The following PHKA1 variants were observed in gnomAD, a reference collection of about 807,000 sequenced individuals.
PHKA1 encodes phosphorylase kinase regulatory subunit alpha 1.
A neutral mutation model predicts 110.2 loss-of-function variants in PHKA1; 60 were observed. That is an observed-to-expected ratio of 0.54 (90% CI 0.44 to 0.68). PHKA1 has a LOEUF of 0.68. PHKA1 is among the 30% of genes least tolerant of loss of function. The pLI, the probability that PHKA1 is intolerant of heterozygous loss-of-function variation, is 0.00. For synonymous variants in PHKA1, 316 were observed against 333.6 expected, an observed-to-expected ratio of 0.95 and a Z score of 0.58; for missense variants, 801 against 942.5, an observed-to-expected ratio of 0.85 and a Z score of 1.97.
intron 4 of PHKA1, 112 bp downstream of exon 4, chrX:72,695,596 C>G: frequency 1.4e-6 from 1 of 694,780 alleles, no homozygotes; most frequent in Non-Finnish European, 2.2e-6. Flanking sequence ...TAAAAAATAC[C>G]TGTTTCATGA....
intron 15 of PHKA1, among the ~76,000 whole-genome samples, chrX:72,635,545 A>AC (rs2053220498): frequency 1.8e-5 from 2 of 111,261 alleles, no homozygotes; most frequent in South Asian, 3.8e-4. Flanking sequence ...TAATCCTGTA[A>AC]CCCCCCAGTG....
At chrX:72,659,837 G>A (rs1423503875) in intron 8 of PHKA1, among the ~76,000 whole-genome samples, 1 of 112,259 alleles carries the variant, frequency 8.9e-6, no homozygotes, top group Non-Finnish European at 1.9e-5. Flanking sequence ...AGCATCTGTT[G>A]CAATTACTCA....
intron 5 of PHKA1, among the ~76,000 whole-genome samples, chrX:72,682,324 TC>T: frequency 2.0e-5 from 2 of 100,116 alleles, no homozygotes; most frequent in East Asian, 3.4e-4. Flanking sequence ...AGCCGCCCCG[TC>T]CGGGAGGGAG....
At chrX:72,661,533 T>A (rs781820313) in intron 8 of PHKA1, among the ~76,000 whole-genome samples, 7 of 110,581 alleles carry the variant, frequency 6.3e-5, no homozygotes, top group South Asian at 3.9e-4. Flanking sequence ...TTGGCCATAA[T>A]CCTAGATGCA....
chrX:72,604,935 C>T (rs189686847), intron 25 of PHKA1, among the ~76,000 whole-genome samples: 3 of 111,850 alleles, frequency 2.7e-5, no homozygotes, highest in Non-Finnish European at 3.8e-5. Flanking sequence ...TGTACAGACG[C>T]TCCACTGCCT....
intron 23 of PHKA1, among the ~76,000 whole-genome samples, chrX:72,608,567 C>T (rs143344110): frequency 2.3e-4 from 26 of 111,150 alleles, no homozygotes; most frequent in African/African-American, 5.9e-4. Flanking sequence ...ACTTTAAGCC[C>T]GCGGTGGTGA....
chrX:72,646,826 G>A (rs922818586), intron 13 of PHKA1, among the ~76,000 whole-genome samples: 2 of 111,094 alleles, frequency 1.8e-5, no homozygotes, highest in African/African-American at 6.6e-5. Context: ...AAGACAGAGA[G>A]ACCAGCTAAA....
At chrX:72,644,883 A>G (rs1166252424) in intron 13 of PHKA1, among the ~76,000 whole-genome samples, 1 of 111,759 alleles carries the variant, frequency 8.9e-6, no homozygotes. Context: ...AGAGCCAGGT[A>G]TGTGGGGGTA....
intron 3 of PHKA1, among the ~76,000 whole-genome samples, chrX:72,699,274 G>A (rs951494469): frequency 2.2e-4 from 24 of 109,520 alleles, no homozygotes; most frequent in Admixed American, 1.9e-3. Flanking sequence ...CTGGGAGGCC[G>A]AGGCAGGTGG....
rs971555820 is a variant in PHKA1, at chrX:72,713,829, C to T, written c.52G>A (p.Val18Met). The T allele has an allele frequency of 1.5e-5, 18 of 1,206,863 alleles. No homozygotes were observed. In the Middle Eastern group the frequency reaches 1.4e-3, roughly 92 times the overall value. ...TGATGGCACAGGATGGTCTGTTGCA[C>T]CAGTCGAGCGTAGCCGTCCAGCCGG... ...GVRLDGYARL[V>M]QQTILCHQNP... Residue 18 changes from valine to methionine, a missense_variant, in exon 1 of 32, where the codon GTG (valine) becomes ATG (methionine). Around this residue, in one of 2 missense-constraint regions of PHKA1, gnomAD observed 299 missense variants for 423.3 expected, o/e 0.71. Coordinates refer to ENST00000373542, the MANE Select transcript of PHKA1 (RefSeq NM_002637.4).
chrX:72,643,317 C>T (rs1479770070), intron 14 of PHKA1, among the ~76,000 whole-genome samples: 1 of 111,428 alleles, frequency 9.0e-6, no homozygotes, highest in Non-Finnish European at 1.9e-5. Context: ...AAGTGGCAAT[C>T]CACTACCTAA....
chrX:72,691,885 T>C (rs1556322281), intron 4 of PHKA1, among the ~76,000 whole-genome samples: 1 of 112,106 alleles, frequency 8.9e-6, no homozygotes, highest in African/African-American at 3.2e-5. Flanking sequence ...CTTGCTAAAC[T>C]GCCAGTACAA....
At chrX:72,599,495 C>T (rs1383357054) in intron 28 of PHKA1, among the ~76,000 whole-genome samples, 1 of 111,581 alleles carries the variant, frequency 9.0e-6, no homozygotes, top group Non-Finnish European at 1.9e-5. Context: ...TCAGAATCAT[C>T]TAAATAAAAC....
At chrX:72,675,169 C>T (rs1407327515) in intron 6 of PHKA1, among the ~76,000 whole-genome samples, 4 of 107,949 alleles carry the variant, frequency 3.7e-5, no homozygotes, top group African/African-American at 1.0e-4. Context: ...GCCTGGGCAG[C>T]AGGGTGAGAC....
chrX:72,703,136 T>TG (rs1254667665), intron 3 of PHKA1, among the ~76,000 whole-genome samples: 1 of 111,799 alleles, frequency 8.9e-6, no homozygotes, highest in African/African-American at 3.3e-5. Flanking sequence ...GGCTGTGTCA[T>TG]GGGTGGGTCC....
intron 4 of PHKA1, among the ~76,000 whole-genome samples, chrX:72,687,233 A>T (rs1427775602): frequency 1.8e-5 from 2 of 111,711 alleles, no homozygotes; most frequent in African/African-American, 6.5e-5. Context: ...TATATATATA[A>T]AATGGCATAT....
chrX:72,656,431 A>G (rs782122429), intron 9 of PHKA1, among the ~76,000 whole-genome samples, 189 bp from the exon 10 acceptor site: 1 of 112,582 alleles, frequency 8.9e-6, no homozygotes, highest in South Asian at 3.7e-4. Flanking sequence ...GAATTGGGAT[A>G]GCAATGATAT....
At chrX:72,675,682 G>A (rs1437614757) in intron 6 of PHKA1, among the ~76,000 whole-genome samples, 1 of 110,370 alleles carries the variant, frequency 9.1e-6, no homozygotes, top group African/African-American at 3.3e-5. Context: ...GATGATTTGG[G>A]GGATGGAGGA....
intron 29 of PHKA1, among the ~76,000 whole-genome samples, chrX:72,587,879 G>C (rs2052457842): frequency 1.8e-5 from 2 of 111,972 alleles, no homozygotes; most frequent in Admixed American, 9.4e-5. Flanking sequence ...AACAAGAAGA[G>C]CTAACTATCC....
Sources: allele counts gnomAD v4.1 joint callset (sites outside exome capture counted in the v4.1 genomes callset), GRCh38; gene constraint gnomAD v4.1.1; regional missense constraint gnomAD v4.1.1; transcripts MANE v1.5; gene names NCBI Gene and HGNC (gene_info 2026-07-23, HGNC 2026-07-21).